The following CNOT6 variants were observed in gnomAD, a reference collection of about 807,000 sequenced individuals.
The protein encoded by CNOT6 is CCR4-NOT transcription complex subunit 6.
A neutral mutation model predicts 61.2 loss-of-function variants in CNOT6; 12 were observed. The ratio of observed to expected loss-of-function variants is 0.20; its 90% confidence interval spans 0.13 to 0.32. CNOT6 has a LOEUF of 0.32. CNOT6 is among the 10% of genes least tolerant of loss of function. CNOT6 has a pLI of 1.00. For synonymous variants in CNOT6, 225 were observed against 240.6 expected (o/e 0.94, Z 0.60); for missense variants, 405 against 663.9 (o/e 0.61, Z 4.28).
intron 11 of CNOT6, 31 bp from the exon 12 acceptor site, chr5:180,573,957 G>A (rs751626486): frequency 1.2e-5 from 17 of 1,442,166 alleles, no homozygotes; most frequent in African/African-American, 8.4e-5. Context: ...TGTCTTATAC[G>A]GTGCTTATCT....
At chr5:180,537,607 C>T (rs1008820959) in intron 2 of CNOT6, among the ~76,000 whole-genome samples, 1 of 152,094 alleles carries the variant, frequency 6.6e-6, no homozygotes, top group Non-Finnish European at 1.5e-5. Flanking sequence ...GGCAGAAGTG[C>T]TGAATTTAAA....
chr5:180,568,119 CAGTG>C, intron 9 of CNOT6, 116 bp downstream of exon 9: 1 of 1,001,290 alleles, frequency 1.0e-6, no homozygotes, highest in Non-Finnish European at 1.4e-6. Context: ...TGAAGAAACT[CAGTG>C]AGAAGTTGTC....
rs537477335 is a variant in CNOT6, at chr5:180,555,113, T to A, written c.385+1642T>A. 2.0e-5 allele frequency among the ~76,000 whole-genome samples: 3 copies of A among 152,116 alleles called. No homozygotes were observed. The South Asian group carries it at 6.2e-4, about 32-fold the overall frequency. ...CCTCCTTCTCCCTGGTTGAAGCAAT[T>A]CTTCTGCTTCAGCCTCCCGAGTAGC... On this transcript the variant is annotated intron_variant, in intron 4 of 11. Transcript: ENST00000261951.
At chr5:180,559,610 G>T (rs1269609708) in intron 4 of CNOT6, among the ~76,000 whole-genome samples, 2 of 151,982 alleles carry the variant, frequency 1.3e-5, no homozygotes, top group East Asian at 3.9e-4. Flanking sequence ...AGTAAGTTAG[G>T]GTGTAAGTCG....
intron 2 of CNOT6, among the ~76,000 whole-genome samples, chr5:180,533,469 T>G (rs1354551455): frequency 6.6e-6 from 1 of 151,800 alleles, no homozygotes; most frequent in South Asian, 2.1e-4. Flanking sequence ...TGCAGTGGCA[T>G]GATTATACAT....
At chr5:180,521,096 C>T (rs1757861574) in intron 1 of CNOT6, among the ~76,000 whole-genome samples, 1 of 152,114 alleles carries the variant, frequency 6.6e-6, no homozygotes, top group Admixed American at 6.6e-5. Flanking sequence ...GCCTTGGCCT[C>T]CCGAAGTGCT....
chr5:180,545,554 C>G (rs1175353995), intron 2 of CNOT6, among the ~76,000 whole-genome samples: 2 of 151,866 alleles, frequency 1.3e-5, no homozygotes, highest in Non-Finnish European at 2.9e-5. Flanking sequence ...TTTAGTAGTT[C>G]ATTCTTTTTT....
chr5:180,554,969 A>G (rs1342927484), intron 4 of CNOT6, among the ~76,000 whole-genome samples: 1 of 151,290 alleles, frequency 6.6e-6, no homozygotes, highest in Non-Finnish European at 1.5e-5. Context: ...AAGGCTTTTC[A>G]CAAACTTTAT....
intron 2 of CNOT6, among the ~76,000 whole-genome samples, chr5:180,533,041 G>T (rs1758470634): frequency 6.6e-6 from 1 of 152,098 alleles, no homozygotes; most frequent in East Asian, 1.9e-4. Flanking sequence ...ACATAGGCAT[G>T]GTTGACAGCT....
chr5:180,538,686 G>GTATATATATATATATA lies in CNOT6; in HGVS notation c.112+9313_112+9328dup, dbSNP rs59342527. Among the ~76,000 whole-genome samples, 559 of 84,810 alleles carry GTATATATATATATATA rather than the reference G, an allele frequency of 6.6e-3. 8 individuals carry two copies. The highest frequency in any genetic ancestry group is 0.036 in the East Asian group (55 of 1,514). The allele number at this position is 84,810 out of a possible 152,430, so 55.6% of individuals were successfully genotyped here. A position where few individuals can be genotyped will look rare whatever the true frequency, so the allele number is the denominator to read the frequency against. On this transcript the variant is annotated intron_variant, in intron 2 of 11. Transcript: ENST00000261951. ...GAGCGAGACTCTGTCTGAGAAAAAG[G>GTATATATATATATATA]TATATATATATATATATATATATAT...
rs768494014 is a variant in CNOT6, at chr5:180,529,343, G to C, written c.67G>C (p.Ala23Pro). The C allele has an allele frequency of 1.9e-6, 3 of 1,613,730 alleles. 1 individual carries two copies. The South Asian group carries it at 3.3e-5, about 18-fold the overall frequency. ...GTATACAATTATGTCTTCTGAGGAA[G>C]CAGCAAATGGAAAGAAATCCCACTG... ...RMYTIMSSEE[A>P]ANGKKSHWAE... Residue 23 changes from alanine to proline, a missense_variant, in exon 2 of 12, where the codon GCA becomes CCA. Around this residue, in one of 5 missense-constraint regions of CNOT6, gnomAD observed 212 missense variants for 307.1 expected, o/e 0.69. Transcript: ENST00000261951.
chr5:180,502,830 T>C (rs1756939632), intron 1 of CNOT6, among the ~76,000 whole-genome samples: 1 of 152,212 alleles, frequency 6.6e-6, no homozygotes, highest in Non-Finnish European at 1.5e-5. Context: ...ACTCAGCCTT[T>C]TGGGAGGCAA....
At chr5:180,564,220 T>A (rs889686694) in intron 4 of CNOT6, among the ~76,000 whole-genome samples, 1 of 152,214 alleles carries the variant, frequency 6.6e-6, no homozygotes. Flanking sequence ...ATTGAAAGTG[T>A]TGGCAAGGCA....
chr5:180,529,144 G>A (rs1380299460), intron 1 of CNOT6, 131 bp from the exon 2 acceptor site: 9 of 634,026 alleles, frequency 1.4e-5, no homozygotes, highest in Non-Finnish European at 2.0e-5. Context: ...GTTGGAGTGA[G>A]CCAAAATCGT....
intron 2 of CNOT6, among the ~76,000 whole-genome samples, chr5:180,544,678 G>A (rs765859274): frequency 6.6e-6 from 1 of 152,142 alleles, no homozygotes; most frequent in African/African-American, 2.4e-5. Flanking sequence ...ATACAAATTG[G>A]CAGGCTTTGA....
intron 6 of CNOT6, 61 bp from the exon 7 acceptor site, chr5:180,565,759 A>C (rs1760417197): frequency 5.6e-6 from 8 of 1,437,678 alleles, no homozygotes; most frequent in Non-Finnish European, 7.6e-6. Flanking sequence ...ACCATTACTG[A>C]AATTAATTAT....
intron 4 of CNOT6, among the ~76,000 whole-genome samples, chr5:180,554,675 C>T (rs1203705896): frequency 2.0e-5 from 3 of 152,088 alleles, no homozygotes; most frequent in African/African-American, 7.2e-5. Flanking sequence ...GATGAAGATG[C>T]CCTTTTCTGT....
chr5:180,530,759 G>A (rs1479081245), intron 2 of CNOT6, among the ~76,000 whole-genome samples: 1 of 152,040 alleles, frequency 6.6e-6, no homozygotes, highest in Non-Finnish European at 1.5e-5. Flanking sequence ...ATTAGGGAGT[G>A]GTGATGACTC....
intron 11 of CNOT6, among the ~76,000 whole-genome samples, chr5:180,573,053 C>A (rs917836522): frequency 6.6e-6 from 1 of 152,134 alleles, no homozygotes; most frequent in Admixed American, 6.5e-5. Context: ...CTCAGGTGCC[C>A]CTTCCTTTCA....
Sources: gnomAD v4.1 joint callset for allele counts (sites outside exome capture counted in the v4.1 genomes callset) on GRCh38, gnomAD v4.1.1 for gene constraint, gnomAD v4.1.1 regional missense constraint, MANE v1.5 for transcripts, NCBI Gene and HGNC (gene_info 2026-07-23, HGNC 2026-07-21) for gene names.